The following CDKL3 variants were observed in gnomAD, a reference collection of about 807,000 sequenced individuals.
CDKL3 encodes cyclin dependent kinase like 3.
CDKL3 carries 65 observed loss-of-function variants against 69.3 expected under a neutral mutation model. The observed-to-expected ratio is 0.94, with a 90% confidence interval of 0.77 to 1.15. CDKL3 has a LOEUF of 1.15. CDKL3 is among the 50% of genes most tolerant of loss of function. The pLI, the probability that CDKL3 is intolerant of heterozygous loss-of-function variation, is 0.00. For synonymous variants in CDKL3, 202 were observed against 221.6 expected (o/e 0.91, Z 0.79); for missense variants, 652 against 689.2 (o/e 0.95, Z 0.61).
chr5:134,287,667 C>A (rs1468168759), intron 8 of CDKL3, among the ~76,000 whole-genome samples: 1 of 152,184 alleles, frequency 6.6e-6, no homozygotes, highest in Non-Finnish European at 1.5e-5. Context: ...TAGGAGCAAT[C>A]CTATCAGCAG....
intron 4 of CDKL3, among the ~76,000 whole-genome samples, chr5:134,327,573 A>G (rs1774711481): frequency 6.6e-6 from 1 of 152,186 alleles, no homozygotes; most frequent in South Asian, 2.1e-4. Flanking sequence ...AACTGGGTGG[A>G]GATTTATCAA....
At chr5:134,353,062 A>T (rs1356169336) in intron 3 of CDKL3, among the ~76,000 whole-genome samples, 1 of 152,174 alleles carries the variant, frequency 6.6e-6, no homozygotes, top group African/African-American at 2.4e-5. Flanking sequence ...CAGATCTTAC[A>T]ATTAAATCTT....
At chr5:134,299,867 A>G (rs1253594543) in intron 12 of CDKL3, 9 of 648,722 alleles carry the variant, frequency 1.4e-5, no homozygotes, top group Non-Finnish European at 1.6e-5. Flanking sequence ...CATAAGGTAC[A>G]GGGAAACTAT....
upstream of CDKL3, among the ~76,000 whole-genome samples, chr5:134,370,794 CTCT>C (rs1437464276): frequency 3.9e-5 from 6 of 152,202 alleles, no homozygotes; most frequent in Non-Finnish European, 7.3e-5. Flanking sequence ...GATCCTCTCA[CTCT>C]TCTTGCCCCA....
intron 6 of CDKL3, among the ~76,000 whole-genome samples, chr5:134,314,248 T>A (rs930018735): frequency 1.3e-5 from 2 of 152,186 alleles, no homozygotes; most frequent in African/African-American, 4.8e-5. Flanking sequence ...CTAAAACTTA[T>A]AAGAAAAATG....
rs1007728451 is a variant in CDKL3 at position 134,308,473 on chromosome 5, T to C, written c.1036-7A>G. 5 of 1,587,206 alleles carry C rather than the reference T, an allele frequency of 3.2e-6. No homozygotes were observed. In the African/African-American group the frequency reaches 6.8e-5, roughly 22 times the overall value. On this transcript the variant is annotated splice_region_variant and splice_polypyrimidine_tract_variant and intron_variant, in intron 8 of 12. Coordinates refer to ENST00000265334, the MANE Select transcript of CDKL3 (RefSeq NM_001113575.2). ...TTTTCTCTTTTTCTATTTCCTGGAA[T>C]AGATACATCCAAAATCTGAGTCATC...
At chr5:134,284,397 C>A (rs1014241773), downstream of CDKL3, among the ~76,000 whole-genome samples, 4 of 152,144 alleles carry the variant, frequency 2.6e-5, no homozygotes, top group Admixed American at 2.0e-4. Flanking sequence ...ACAAAGATCA[C>A]ATGCTTGAAA....
downstream of CDKL3, among the ~76,000 whole-genome samples, chr5:134,285,905 C>T (rs557741223): frequency 7.4e-4 from 113 of 152,224 alleles, no homozygotes; most frequent in Non-Finnish European, 1.3e-3. Context: ...ATGTGGATCA[C>T]GAGGTCAAGA....
At chr5:134,353,072 T>C (rs1753719532) in intron 3 of CDKL3, among the ~76,000 whole-genome samples, 1 of 152,200 alleles carries the variant, frequency 6.6e-6, no homozygotes, top group Non-Finnish European at 1.5e-5. Context: ...AATTAAATCT[T>C]TATTTTTAGT....
chr5:134,352,503 G>A (rs1368421368), intron 3 of CDKL3, among the ~76,000 whole-genome samples: 1 of 151,970 alleles, frequency 6.6e-6, no homozygotes, highest in Non-Finnish European at 1.5e-5. Context: ...GTTTCACCAG[G>A]TTGTCCAGGC....
At position 134,298,688 on chromosome 5, in the gene CDKL3, C is replaced by A; in HGVS notation, c.1742G>T (p.Gly581Val). The A allele has an allele frequency of 3.7e-6, 6 of 1,612,924 alleles. No homozygotes were observed. The highest frequency in any genetic ancestry group is 5.1e-6 in the Non-Finnish European group (6 of 1,179,248). Residue 581 changes from glycine to valine, a missense_variant, in exon 13 of 13, where the codon GGG becomes GTG. Transcript: ENST00000265334. ...AAACCTGTTTCTCTTCAAATTCTTC[C>A]CCTCGCAATGGCCATCTCCACCCTA... ...KQEGGDGHCE[G>V]KNLKRNRFFF...
intron 4 of CDKL3, among the ~76,000 whole-genome samples, chr5:134,339,847 G>C (rs1166826311): frequency 6.6e-6 from 1 of 152,052 alleles, no homozygotes; most frequent in Non-Finnish European, 1.5e-5. Context: ...AAATCAAAAG[G>C]GTAATCAGAA....
At chr5:134,328,516 G>GA (rs1265941679) in intron 4 of CDKL3, among the ~76,000 whole-genome samples, 1 of 151,596 alleles carries the variant, frequency 6.6e-6, no homozygotes, top group Non-Finnish European at 1.5e-5. Flanking sequence ...TAAAAGGAAT[G>GA]AAAAAAATAA....
In CDKL3 at chr5:134,319,398, T is replaced by C; in HGVS notation, c.752A>G (p.Lys251Arg). ...QVQHPKNARK[K>R]YPKLNGLLAD... ...CAACAATCCATTAAGCTTTGGATAT[T>C]TTTTTCTTGCATTTTTGGGGTGTTG... Residue 251 changes from lysine (K) to arginine (R), a missense_variant, in exon 6 of 13, where the codon AAA (lysine) becomes AGA (arginine). Coordinates refer to ENST00000265334, the MANE Select transcript of CDKL3 (RefSeq NM_001113575.2). The C allele has an allele frequency of 6.5e-7, 1 of 1,537,224 alleles. No homozygotes were observed. The highest frequency in any genetic ancestry group is 8.7e-7 in the Non-Finnish European group (1 of 1,143,100).
intron 8 of CDKL3, among the ~76,000 whole-genome samples, chr5:134,291,739 A>G (rs565030389): frequency 1.2e-4 from 18 of 150,826 alleles, no homozygotes; most frequent in Non-Finnish European, 2.4e-4. Context: ...ATGCCATTGC[A>G]CTCCAGCCTG....
intron 4 of CDKL3, among the ~76,000 whole-genome samples, chr5:134,325,657 T>C (rs763244219): frequency 6.6e-6 from 1 of 152,166 alleles, no homozygotes; most frequent in Non-Finnish European, 1.5e-5. Context: ...GGTTATATAG[T>C]GGTACCACTT....
chr5:134,304,337 A>G, intron 11 of CDKL3, 68 bp downstream of exon 11: 1 of 1,256,950 alleles, frequency 8.0e-7, no homozygotes, highest in Non-Finnish European at 1.1e-6. Context: ...ATAAAATGTA[A>G]GTTATATTAT....
intron 4 of CDKL3, among the ~76,000 whole-genome samples, chr5:134,346,519 G>T (rs553158971): frequency 6.6e-6 from 1 of 152,036 alleles, no homozygotes; most frequent in Non-Finnish European, 1.5e-5. Flanking sequence ...TTTTTGAGAC[G>T]GAGTTTCGCT....
chr5:134,301,874 G>A (rs966731205), intron 12 of CDKL3, among the ~76,000 whole-genome samples: 1 of 151,360 alleles, frequency 6.6e-6, no homozygotes, highest in Non-Finnish European at 1.5e-5. Flanking sequence ...GCAACAGAGA[G>A]ACACTCCGTC....
Sources: allele counts gnomAD v4.1 joint callset (sites outside exome capture counted in the v4.1 genomes callset), GRCh38; gene constraint gnomAD v4.1.1; transcripts MANE v1.5; gene names NCBI Gene and HGNC (gene_info 2026-07-23, HGNC 2026-07-21).